ARSK: variants seen among roughly 807,000 people sequenced by gnomAD.
ARSK encodes arylsulfatase family member K.
ARSK carries 37 observed loss-of-function variants against 53.2 expected under a neutral mutation model. That is an observed-to-expected ratio of 0.70 (90% CI 0.54 to 0.92). The LOEUF (loss-of-function observed/expected upper bound fraction) is 0.92. Ranked by LOEUF, ARSK falls within the 40% of genes least tolerant of loss-of-function variation. The pLI is 0.00. For synonymous variants in ARSK, 208 were observed against 223.2 expected (o/e 0.93, Z 0.61); for missense variants, 613 against 643.0 (o/e 0.95, Z 0.51).
At chr5:95,557,286 G>A (rs1466475419) in intron 1 of ARSK, among the ~76,000 whole-genome samples, 1 of 151,918 alleles carries the variant, frequency 6.6e-6, no homozygotes, top group Non-Finnish European at 1.5e-5. Flanking sequence ...CCTTTCCAGT[G>A]GACAAATCTA....
chr5:95,565,719 A>C (rs765179881), intron 1 of ARSK, among the ~76,000 whole-genome samples: 6 of 152,186 alleles, frequency 3.9e-5, no homozygotes, highest in Non-Finnish European at 8.8e-5. Flanking sequence ...ATAGTTAAGT[A>C]TTCAATAAAT....
At chr5:95,558,049 C>G (rs993251681) in intron 1 of ARSK, among the ~76,000 whole-genome samples, 2 of 152,180 alleles carry the variant, frequency 1.3e-5, no homozygotes, top group African/African-American at 4.8e-5. Context: ...TAGGACTACT[C>G]CCCCTCGGCT....
rs772502977 is a variant in ARSK, at chr5:95,583,060, A to G, written c.561A>G (p.Leu187=). 1 of 1,613,862 alleles carries G rather than the reference A, an allele frequency of 6.2e-7. No individual in the cohort carries two copies. Among genetic ancestry groups the G allele is most frequent in the African/African-American group, 1.3e-5 (1 of 75,052 alleles). Reference sequence around the variant, plus strand: ...ATACAGACAAAGCAGTAAACTGGTTAAGAAAGGAAGCAATTAATTACACTG... The same window carrying G: ...ATACAGACAAAGCAGTAAACTGGTTGAGAAAGGAAGCAATTAATTACACTG... ...WQNTDKAVNW[L]RKEAINYTEP... Residue 187 remains leucine, a synonymous_variant, in exon 4 of 8, where the codon TTA becomes TTG. Coordinates refer to ENST00000380009, the MANE Select transcript of ARSK (RefSeq NM_198150.3).
chr5:95,586,733 G>T lies in ARSK; in HGVS notation c.871G>T (p.Gly291Cys). ...AMCAETDAML[G>C]EIILALHQLD... is the part of the protein sequence containing the mutation. ...GTGTGCTGAGACAGATGCCATGCTTGGTAGGTGGTATAATTAATAAGCAAT... is the reference window on the plus strand; with the variant it reads ...GTGTGCTGAGACAGATGCCATGCTTTGTAGGTGGTATAATTAATAAGCAAT... The change falls in exon 5 of 8, where the codon GGT (glycine) becomes TGT (cysteine). Residue 291 changes from glycine to cysteine, a missense_variant and splice_region_variant. Coordinates refer to ENST00000380009, the MANE Select transcript of ARSK (RefSeq NM_198150.3). 1 of 1,579,680 alleles carries T rather than the reference G, an allele frequency of 6.3e-7. No homozygotes were observed. Among genetic ancestry groups the T allele is most frequent in the South Asian group, 1.2e-5 (1 of 83,872 alleles).
chr5:95,602,988 G>A (rs1749428989), intron 7 of ARSK, among the ~76,000 whole-genome samples: 1 of 151,982 alleles, frequency 6.6e-6, no homozygotes, highest in Admixed American at 6.6e-5. Flanking sequence ...GACTTTTTCT[G>A]GCATTTAAGA....
intron 4 of ARSK, 119 bp from the exon 5 acceptor site, chr5:95,586,443 A>C (rs113922805): frequency 1.3e-6 from 1 of 768,772 alleles, no homozygotes; most frequent in Non-Finnish European, 2.1e-6. Flanking sequence ...ACATATTTAC[A>C]CTGTTCTTTT....
At chr5:95,583,618 A>C (rs543551326) in intron 4 of ARSK, among the ~76,000 whole-genome samples, 1 of 152,292 alleles carries the variant, frequency 6.6e-6, no homozygotes, top group East Asian at 1.9e-4. Context: ...TTTTTGTTAA[A>C]AATTGAAAAA....
intron 3 of ARSK, among the ~76,000 whole-genome samples, chr5:95,576,015 G>A (rs1318897320): frequency 3.9e-5 from 6 of 152,026 alleles, no homozygotes; most frequent in Admixed American, 3.9e-4. Context: ...TACTAGCTGT[G>A]GGTCTGTTGT....
Position 95,582,995 on chromosome 5 carries a change from A to T in ARSK, c.496A>T (p.Asn166Tyr). Residue 166 changes from asparagine (N) to tyrosine (Y), a missense_variant, in exon 4 of 8, where the codon AAC becomes TAC. Asn to Tyr is a moderately radical substitution (Grantham distance 143). Transcript: ENST00000380009. ...EGRPMVNLIR[N>Y]RTKVRVMERD... is the part of the protein sequence containing the mutation. Reference sequence around the variant, plus strand: ...CAGGCCCATGGTTAATCTTATCCGTAACAGGACTAAAGTCAGAGTGATGGA... The same window carrying T: ...CAGGCCCATGGTTAATCTTATCCGTTACAGGACTAAAGTCAGAGTGATGGA... 5.0e-6 allele frequency: 8 copies of T among 1,613,876 alleles called. No homozygotes were observed. Among genetic ancestry groups the T allele is most frequent in the Non-Finnish European group, 6.8e-6 (8 of 1,179,802 alleles).
chr5:95,591,525 T>C lies in ARSK; in HGVS notation c.996T>C (p.Ala332=). The C allele has an allele frequency of 1.9e-6, 3 of 1,614,162 alleles. No homozygotes were observed. The highest frequency in any genetic ancestry group is 1.7e-6 in the Non-Finnish European group (2 of 1,180,010). Residue 332 remains alanine (A), a synonymous_variant, in exon 6 of 8, where the codon GCT becomes GCC. Transcript: ENST00000380009. The part of the protein sequence containing the change: ...RQFYKMSMYE[A]SAHVPLLMMG... Reference sequence around the variant, plus strand: ...TTTATAAAATGAGCATGTACGAGGCTAGTGCACATGTTCCGCTTTTGATGA... The same window carrying C: ...TTTATAAAATGAGCATGTACGAGGCCAGTGCACATGTTCCGCTTTTGATGA...
chr5:95,574,719 G>A (rs935187823), intron 3 of ARSK, among the ~76,000 whole-genome samples: 1 of 151,892 alleles, frequency 6.6e-6, no homozygotes, highest in African/African-American at 2.4e-5. Context: ...AGTTGTTTGA[G>A]CTCCTTATAT....
At chr5:95,581,674 G>A (rs1749022048) in intron 3 of ARSK, among the ~76,000 whole-genome samples, 1 of 152,090 alleles carries the variant, frequency 6.6e-6, no homozygotes, top group Non-Finnish European at 1.5e-5. Flanking sequence ...CATACTGCTG[G>A]TGTTATAAAC....
chr5:95,580,267 A>AC (rs1748999671), intron 3 of ARSK, among the ~76,000 whole-genome samples: 1 of 152,134 alleles, frequency 6.6e-6, no homozygotes, highest in Non-Finnish European at 1.5e-5. Context: ...GGTTCAAAAT[A>AC]CCCCCAGTGG....
intron 4 of ARSK, among the ~76,000 whole-genome samples, chr5:95,585,371 C>T (rs920958227): frequency 6.6e-6 from 1 of 152,178 alleles, no homozygotes; most frequent in Non-Finnish European, 1.5e-5. Context: ...CTTGCTCTCA[C>T]GTGTTTATAG....
At chr5:95,563,998 G>A (rs1016688714) in intron 1 of ARSK, among the ~76,000 whole-genome samples, 2 of 123,538 alleles carry the variant, frequency 1.6e-5, no homozygotes, top group African/African-American at 6.2e-5. Flanking sequence ...TTTTTTTTGA[G>A]ATGGAGTCTT....
Position 95,562,581 on chromosome 5 carries a change from C to T in ARSK, c.127-3417C>T, listed in dbSNP as rs534555476. Among the ~76,000 whole-genome samples, 252 of 152,254 alleles carry T rather than the reference C, an allele frequency of 1.7e-3. 4 individuals are homozygous for T. Among genetic ancestry groups the T allele is most frequent in the African/African-American group, 5.8e-3 (241 of 41,536 alleles). On this transcript the variant is annotated intron_variant, in intron 1 of 7. Transcript: ENST00000380009. Reference sequence around the variant, plus strand: ...TGCATGGCCCATAATGATAAGGAACCGAGTACAAGCCATGGTTCAGAAGGA... The same window carrying T: ...TGCATGGCCCATAATGATAAGGAACTGAGTACAAGCCATGGTTCAGAAGGA...
At chr5:95,565,797 A>G (rs903520369) in intron 1 of ARSK, among the ~76,000 whole-genome samples, 1 of 152,192 alleles carries the variant, frequency 6.6e-6, no homozygotes, top group African/African-American at 2.4e-5. Flanking sequence ...AGTTAAATGA[A>G]TCCAAGTGTA....
intron 3 of ARSK, among the ~76,000 whole-genome samples, chr5:95,576,291 C>G (rs1748922977): frequency 6.6e-6 from 1 of 150,660 alleles, no homozygotes; most frequent in Non-Finnish European, 1.5e-5. Context: ...CTCCACCTCC[C>G]AGGTTCAAAC....
chr5:95,577,669 A>C (rs1031206804), intron 3 of ARSK, among the ~76,000 whole-genome samples: 1 of 152,192 alleles, frequency 6.6e-6, no homozygotes, highest in African/African-American at 2.4e-5. Context: ...TGATGAATTC[A>C]CAAGCAGACC....
Sources: allele counts gnomAD v4.1 joint callset (sites outside exome capture counted in the v4.1 genomes callset), GRCh38; gene constraint gnomAD v4.1.1; transcripts MANE v1.5; gene names NCBI Gene and HGNC (gene_info 2026-07-23, HGNC 2026-07-21).